Variants in IQCJ observed in about 807,000 individuals in gnomAD.
The protein encoded by IQCJ is IQ motif containing J.
In IQCJ, 9 loss-of-function variants were observed where a neutral mutation model predicts 11.0. The ratio of observed to expected loss-of-function variants is 0.82; its 90% CI spans 0.49 to 1.43. The LOEUF (loss-of-function observed/expected upper bound fraction) is 1.43, where lower values mean the gene tolerates loss of function less well. Ranked by LOEUF, IQCJ falls within the 40% of genes most tolerant of loss-of-function variation. The pLI is 0.00. For missense variants in IQCJ, 146 were observed against 133.2 expected, an observed-to-expected ratio of 1.10 and a Z score of -0.47; for synonymous variants, 55 against 51.3, an observed-to-expected ratio of 1.07 and a Z score of -0.31.
chr3:159,243,499 G>A (rs1727058213), intron 1 of IQCJ, among the ~76,000 whole-genome samples: 1 of 152,180 alleles, frequency 6.6e-6, no homozygotes, highest in Non-Finnish European at 1.5e-5. Context: ...ATATAATGTT[G>A]AGTTAATTAA....
chr3:159,128,620 T>C (rs1293427863), intron 1 of IQCJ, among the ~76,000 whole-genome samples: 1 of 152,188 alleles, frequency 6.6e-6, no homozygotes, highest in Non-Finnish European at 1.5e-5. Flanking sequence ...TGTAAAATCT[T>C]GTGTGGACTC....
intron 1 of IQCJ, among the ~76,000 whole-genome samples, chr3:159,085,074 C>T (rs1019133715): frequency 1.3e-5 from 2 of 151,928 alleles, no homozygotes; most frequent in Non-Finnish European, 2.9e-5. Flanking sequence ...CCTCTCCCCC[C>T]ACCCCACAAC....
At chr3:159,232,144 C>T (rs1577099914) in intron 1 of IQCJ, among the ~76,000 whole-genome samples, 1 of 152,162 alleles carries the variant, frequency 6.6e-6, no homozygotes, top group East Asian at 1.9e-4. Flanking sequence ...CAGTTCTGCT[C>T]TGATCTTAGT....
chr3:159,190,489 C>T (rs73877534), intron 1 of IQCJ, among the ~76,000 whole-genome samples: 4,661 of 152,146 alleles, frequency 0.031, 243 homozygotes, highest in African/African-American at 0.11. Flanking sequence ...TGAGGAGAGG[C>T]GCATGAATCA....
At chr3:159,228,572 C>T (rs1265902096) in intron 1 of IQCJ, among the ~76,000 whole-genome samples, 2 of 151,996 alleles carry the variant, frequency 1.3e-5, no homozygotes, top group Admixed American at 6.5e-5. Context: ...GGGCGGATCA[C>T]GAGGTCAGGA....
chr3:159,078,552 C>CTT (rs373598878), intron 1 of IQCJ, among the ~76,000 whole-genome samples: 1 of 143,810 alleles, frequency 7.0e-6, no homozygotes, highest in Non-Finnish European at 1.5e-5. Flanking sequence ...CGCCCCCCGC[C>CTT]TTTTTTTTTT....
At chr3:159,171,308 C>A (rs1722475441) in intron 1 of IQCJ, among the ~76,000 whole-genome samples, 1 of 152,174 alleles carries the variant, frequency 6.6e-6, no homozygotes, top group Non-Finnish European at 1.5e-5. Context: ...GTATAGAATG[C>A]AGGTATACAT....
chr3:159,126,687 G>T (rs1016119748), intron 1 of IQCJ, among the ~76,000 whole-genome samples: 4 of 152,206 alleles, frequency 2.6e-5, no homozygotes, highest in Non-Finnish European at 5.9e-5. Context: ...GTGGATGAGA[G>T]CACACCCAAT....
At chr3:159,150,093 C>G (rs1006015084) in intron 1 of IQCJ, among the ~76,000 whole-genome samples, 1 of 152,130 alleles carries the variant, frequency 6.6e-6, no homozygotes, top group Non-Finnish European at 1.5e-5. Context: ...TGCTCATCTC[C>G]CCTAATCCCA....
At chr3:159,109,527 T>TAAAAAAAG (rs1718482958) in intron 1 of IQCJ, among the ~76,000 whole-genome samples, 1 of 122,702 alleles carries the variant, frequency 8.1e-6, no homozygotes, top group East Asian at 2.5e-4. Flanking sequence ...TTGTATTAAC[T>TAAAAAAAG]AAAAAAAAAA....
chr3:159,073,252 A>G (rs547949993), intron 1 of IQCJ, among the ~76,000 whole-genome samples: 1 of 152,210 alleles, frequency 6.6e-6, no homozygotes, highest in South Asian at 2.1e-4. Context: ...AGATCCTGAA[A>G]GTCCTGTAGC....
intron 1 of IQCJ, among the ~76,000 whole-genome samples, chr3:159,131,426 A>G (rs998386021): frequency 1.3e-5 from 2 of 152,164 alleles, no homozygotes; most frequent in Admixed American, 6.6e-5. Flanking sequence ...AATTTGGCCA[A>G]TGAGAGGCAT....
intron 1 of IQCJ, among the ~76,000 whole-genome samples, chr3:159,187,367 CTT>C (rs1428118962): frequency 6.6e-6 from 1 of 152,232 alleles, no homozygotes. Context: ...TTGATAGACT[CTT>C]TGGAATGAAA....
At chr3:159,139,114 CT>C (rs1183705430) in intron 1 of IQCJ, among the ~76,000 whole-genome samples, 2 of 151,744 alleles carry the variant, frequency 1.3e-5, no homozygotes, top group East Asian at 3.9e-4. Context: ...ATGGATTTAC[CT>C]GAGTGAGAGA....
intron 1 of IQCJ, among the ~76,000 whole-genome samples, chr3:159,174,391 C>T (rs1016574322): frequency 7.9e-5 from 12 of 152,054 alleles, no homozygotes; most frequent in Non-Finnish European, 1.3e-4. Context: ...GGATTAAAAA[C>T]ATTATTCTCC....
chr3:159,205,795 T>C (rs562437084), intron 1 of IQCJ, among the ~76,000 whole-genome samples: 172 of 152,338 alleles, frequency 1.1e-3, no homozygotes, highest in Non-Finnish European at 2.1e-3. Flanking sequence ...TGTTTCTCTG[T>C]GGCAGGCAAA....
At chr3:159,150,858 T>C (rs1721174180) in intron 1 of IQCJ, among the ~76,000 whole-genome samples, 1 of 152,146 alleles carries the variant, frequency 6.6e-6, no homozygotes, top group South Asian at 2.1e-4. Flanking sequence ...CCTACTCAGC[T>C]CTCATGGTTC....
intron 1 of IQCJ, among the ~76,000 whole-genome samples, chr3:159,191,595 G>A (rs1392447545): frequency 6.6e-6 from 1 of 152,286 alleles, no homozygotes; most frequent in South Asian, 2.1e-4. Context: ...GTTTATTAGA[G>A]TGAGTTCATG....
intron 3 of IQCJ, among the ~76,000 whole-genome samples, chr3:159,260,304 TTTG>T: frequency 6.6e-6 from 1 of 152,278 alleles, no homozygotes; most frequent in East Asian, 1.9e-4. Context: ...GCCACTATAT[TTTG>T]TTTTTGTATG....
Sources: allele counts gnomAD v4.1 joint callset (sites outside exome capture counted in the v4.1 genomes callset), GRCh38; gene constraint gnomAD v4.1.1; transcripts MANE v1.5; gene names NCBI Gene and HGNC (gene_info 2026-07-23, HGNC 2026-07-21).